The following SNU13 variants were observed in gnomAD, a reference collection of about 807,000 sequenced individuals.
The protein encoded by SNU13 is NHP2-like protein 1.
In SNU13, 2 loss-of-function variants were observed where a neutral mutation model predicts 12.4. That is an observed-to-expected ratio of 0.16 (90% CI 0.07 to 0.51). The LOEUF (loss-of-function observed/expected upper bound fraction) is 0.51, where lower values mean the gene tolerates loss of function less well. Among genes scored for constraint, SNU13 ranks in the 20% least tolerant of loss-of-function variants. The pLI, the probability that SNU13 is intolerant of heterozygous loss-of-function variation, is 0.96. For synonymous variants in SNU13, 68 were observed against 66.5 expected, an observed-to-expected ratio of 1.02 and a Z score of -0.11; for missense variants, 66 against 157.8, an observed-to-expected ratio of 0.42 and a Z score of 3.12.
intron 2 of SNU13, among the ~76,000 whole-genome samples, chr22:41,678,738 A>G (rs1362458833): frequency 6.6e-6 from 1 of 152,194 alleles, no homozygotes; most frequent in Admixed American, 6.5e-5. Context: ...GGCCACTGCT[A>G]TACCAGGCAC....
chr22:41,684,736 G>T (rs1014130625), intron 1 of SNU13, among the ~76,000 whole-genome samples: 5 of 152,208 alleles, frequency 3.3e-5, no homozygotes, highest in Non-Finnish European at 7.3e-5. Flanking sequence ...TGAACTGGCT[G>T]CAGTGGCTCA....
In SNU13 at chr22:41,688,825, T is replaced by G. The variant is rs1028387060; in HGVS notation, c.-29A>C. 2 of 1,580,862 alleles carry G rather than the reference T, an allele frequency of 1.3e-6. No individual in the cohort carries two copies. Among genetic ancestry groups the G allele is most frequent in the Non-Finnish European group, 8.6e-7 (1 of 1,156,618 alleles). The stretch of plus-strand genomic sequence containing the variant: ...TGCGGTTCCGCGGGCTCAGCACTCC[T>G]AGGGGAGCGCAGCTGACGTTTCAGA... On this transcript the variant is annotated 5_prime_UTR_variant, in exon 1 of 3. Coordinates refer to ENST00000401959, the MANE Select transcript of SNU13 (RefSeq NM_001003796.2).
chr22:41,684,951 T>C (rs192137299), intron 1 of SNU13, among the ~76,000 whole-genome samples: 282 of 152,120 alleles, frequency 1.9e-3, no homozygotes, highest in African/African-American at 6.3e-3. Context: ...GGTCAGGAGT[T>C]CAAGACCAGC....
At chr22:41,680,174 T>C in intron 2 of SNU13, 70 bp downstream of exon 2, 1 of 1,493,918 alleles carries the variant, frequency 6.7e-7, no homozygotes, top group Non-Finnish European at 9.0e-7. Context: ...AAACTGGAAA[T>C]CAGATCAGAG....
intron 2 of SNU13, among the ~76,000 whole-genome samples, chr22:41,678,567 A>G (rs2068234461): frequency 6.6e-6 from 1 of 152,174 alleles, no homozygotes; most frequent in African/African-American, 2.4e-5. Context: ...ATCACCGTGC[A>G]AAGTATGGCA....
chr22:41,684,540 CCTA>C (rs1213608681), intron 1 of SNU13, among the ~76,000 whole-genome samples: 1 of 152,110 alleles, frequency 6.6e-6, no homozygotes, highest in African/African-American at 2.4e-5. Flanking sequence ...TTTTTGAATT[CCTA>C]CTACAATTTT....
Position 41,675,131 on chromosome 22 carries a change from C to T in SNU13, c.189G>A (p.Leu63=). 6.2e-7 allele frequency: 1 copy of T among 1,614,140 alleles called. No homozygotes were observed. The highest frequency in any genetic ancestry group is 8.5e-7 in the Non-Finnish European group (1 of 1,180,032). ...FIVMAADAEP[L]EIILHLPLLC... ...GCAGCGGCAGGTGCAGAATGATCTC[C>T]AGTGGCTCGGCGTCTGCAGCCATCA... is the stretch of plus-strand genomic sequence containing the variant. The change falls in exon 3 of 3, where the codon CTG becomes CTA. Residue 63 remains leucine, a synonymous_variant. Transcript: ENST00000401959.
chr22:41,679,872 C>G (rs2147135435), intron 2 of SNU13: 1 of 153,908 alleles, frequency 6.5e-6, no homozygotes, highest in Non-Finnish European at 1.4e-5. Flanking sequence ...TTCTGGGAAC[C>G]AAATGAAATT....
intron 1 of SNU13, among the ~76,000 whole-genome samples, chr22:41,684,019 C>T (rs921693682): frequency 7.9e-5 from 12 of 152,130 alleles, no homozygotes; most frequent in African/African-American, 2.9e-4. Context: ...TCTCCTACCT[C>T]AGCCCCCACC....
intron 1 of SNU13, chr22:41,681,291 G>A (rs1318235243): frequency 2.0e-5 from 3 of 152,182 alleles, no homozygotes; most frequent in African/African-American, 7.2e-5. Flanking sequence ...GCAGGACTTT[G>A]TTCAAAAGTT....
chr22:41,683,030 C>T lies in SNU13; in HGVS notation c.4-2666G>A, dbSNP rs543203864. Reference sequence around the variant, plus strand: ...CATTTTCTTTTTTGAGACAGGGTCTCGCTCTGTCACCCAGGCTGGAGTGTA... The same window carrying T: ...CATTTTCTTTTTTGAGACAGGGTCTTGCTCTGTCACCCAGGCTGGAGTGTA... On this transcript the variant is annotated intron_variant, in intron 1 of 2. Coordinates refer to ENST00000401959, the MANE Select transcript of SNU13 (RefSeq NM_001003796.2). 3.9e-5 allele frequency among the ~76,000 whole-genome samples: 6 copies of T among 152,216 alleles called. No individual in the cohort carries two copies. The East Asian group carries it at 1.2e-3, about 29-fold the overall frequency.
intron 1 of SNU13, among the ~76,000 whole-genome samples, chr22:41,684,170 G>A (rs2068290139): frequency 6.6e-6 from 1 of 152,110 alleles, no homozygotes; most frequent in Non-Finnish European, 1.5e-5. Context: ...CTCCCAAAGT[G>A]CTGGGATTAC....
At chr22:41,682,683 T>C (rs910461839) in intron 1 of SNU13, 1 of 684,800 alleles carries the variant, frequency 1.5e-6, no homozygotes, top group Non-Finnish European at 2.1e-6. Context: ...CTCTTCCTCA[T>C]ACATTTATTT....
chr22:41,687,248 C>T lies in SNU13; in HGVS notation c.3+1546G>A, dbSNP rs1307166076. 2.0e-5 allele frequency among the ~76,000 whole-genome samples: 3 copies of T among 152,126 alleles called. 1 individual carries two copies. The highest frequency in any genetic ancestry group is 1.5e-5 in the Non-Finnish European group (1 of 68,020). On this transcript the variant is annotated intron_variant, in intron 1 of 2. Coordinates refer to ENST00000401959, the MANE Select transcript of SNU13 (RefSeq NM_001003796.2). ...CTGGGATTACAAGCATGAGCCACCG[C>T]GCCTGGCCCTGTTGCATGTTTTAAA...
intron 2 of SNU13, among the ~76,000 whole-genome samples, chr22:41,678,815 T>C (rs1406830832): frequency 6.6e-6 from 1 of 152,210 alleles, no homozygotes; most frequent in Admixed American, 6.5e-5. Context: ...GAGTCTACTT[T>C]ATCTTCCTTC....
At chr22:41,678,474 A>G (rs942023779) in intron 2 of SNU13, among the ~76,000 whole-genome samples, 7 of 152,144 alleles carry the variant, frequency 4.6e-5, no homozygotes, top group African/African-American at 1.7e-4. Flanking sequence ...AAATTGTTGC[A>G]TCTCCCTCCC....
intron 1 of SNU13, among the ~76,000 whole-genome samples, chr22:41,685,556 G>T: frequency 6.6e-6 from 1 of 151,486 alleles, no homozygotes; most frequent in Non-Finnish European, 1.5e-5. Context: ...GTTTCACCAT[G>T]TTGGCCAGGC....
At chr22:41,676,792 C>A (rs539822758) in intron 2 of SNU13, among the ~76,000 whole-genome samples, 1 of 152,260 alleles carries the variant, frequency 6.6e-6, no homozygotes, top group Non-Finnish European at 1.5e-5. Flanking sequence ...TTGCTTTTCC[C>A]CTTTCTTTTC....
At chr22:41,687,660 C>T (rs757703653) in intron 1 of SNU13, 21 of 152,218 alleles carry the variant, frequency 1.4e-4, no homozygotes, top group Non-Finnish European at 2.2e-4. Context: ...TTTGGTTTCG[C>T]TGTACACCAG....
Sources: gnomAD v4.1 joint callset for allele counts (sites outside exome capture counted in the v4.1 genomes callset) on GRCh38, gnomAD v4.1.1 for gene constraint, MANE v1.5 for transcripts, NCBI Gene and HGNC (gene_info 2026-07-23, HGNC 2026-07-21) for gene names.